Variants in CPNE7 observed in about 807,000 individuals in gnomAD.
CPNE7 encodes the protein copine-7.
Under a neutral mutation model 66.5 loss-of-function variants are expected in CPNE7, and 78 were observed. The observed-to-expected ratio is 1.17, with a 90% confidence interval of 0.98 to 1.42. CPNE7 has a LOEUF of 1.42. CPNE7 is among the 40% of genes most tolerant of loss of function. The probability of loss-of-function intolerance (pLI) is 0.00; values close to 1 mark genes in which losing one functional copy is unlikely to be tolerated. For missense variants in CPNE7, 1,012 were observed against 776.6 expected (o/e 1.30, Z -3.60); for synonymous variants, 468 against 336.7 (o/e 1.39, Z -4.27).
chr16:89,592,425 G>A (rs920495586), intron 13 of CPNE7, among the ~76,000 whole-genome samples: 8 of 150,426 alleles, frequency 5.3e-5, no homozygotes, highest in African/African-American at 1.5e-4. Flanking sequence ...TGTAGTTGTT[G>A]TATTTGTATG....
At position 89,584,108 on chromosome 16, in the gene CPNE7, T is replaced by C. The variant is rs760577430; in HGVS notation, c.507+6T>C. On this transcript the variant is annotated splice_donor_region_variant and intron_variant, in intron 4 of 14. Transcript: ENST00000319518. This position sits in a 1 kb window ranked among gnomAD's most constrained non-coding sequence, Gnocchi z 6.0. ...CCAGGAAGCTGGACGACAAGGTGAG[T>C]GCAGGTGCCGGGCACGCCTGGCTCA... is the stretch of plus-strand genomic sequence containing the variant. 1.9e-6 allele frequency: 3 copies of C among 1,608,602 alleles called. No homozygotes were observed. The highest frequency in any genetic ancestry group is 8.5e-7 in the Non-Finnish European group (1 of 1,178,062).
rs1360992482 is a variant in CPNE7, at chr16:89,591,149, C to G, written c.1191C>G (p.Ala397=). The change falls in exon 13 of 15, where the codon GCC becomes GCG. Residue 397 remains alanine, a synonymous_variant. Transcript: ENST00000319518. ...CAGGCATCCAGGGCGTGGTGGAGGC[C>G]TACCAGAACTGCCTGCCCAGGGTCC... ...ECEGIQGVVE[A]YQNCLPRVQL... 6.8e-6 allele frequency: 11 copies of G among 1,610,240 alleles called. No homozygotes were observed. In the Admixed American group the frequency reaches 1.0e-4, roughly 15 times the overall value.
chr16:89,587,139 T>C lies in CPNE7; in HGVS notation c.927+37T>C, dbSNP rs1168640435. ...GCCCCGCCCCATGCCGCCCCCTCAG[T>C]CCGTGGCCCCGCCCCGCCCCGCCCC... is the stretch of plus-strand genomic sequence containing the variant. On this transcript the variant is annotated intron_variant, in intron 9 of 14. Coordinates refer to ENST00000319518, the MANE Select transcript of CPNE7 (RefSeq NM_153636.3). The C allele has an allele frequency of 1.3e-5, 8 of 592,844 alleles. No individual in the cohort carries two copies. In the Admixed American group the frequency reaches 3.1e-4, roughly 23 times the overall value. 36.7% of individuals were successfully genotyped at this position (592,844 alleles called of 1,614,324 possible).
At chr16:89,589,038 T>C (rs2059130575) in intron 10 of CPNE7, among the ~76,000 whole-genome samples, 1 of 152,176 alleles carries the variant, frequency 6.6e-6, no homozygotes, top group Non-Finnish European at 1.5e-5. Flanking sequence ...ATGCCTGTAA[T>C]CCCAGCATTT....
In CPNE7 at chr16:89,595,744, C is replaced by A. The variant is rs1047078817; in HGVS notation, c.1539+141C>A. The A allele has an allele frequency of 2.0e-5, 16 of 804,988 alleles. No individual in the cohort carries two copies. The African/African-American group carries it at 2.5e-4, about 13-fold the overall frequency. 49.9% of individuals were successfully genotyped at this position (804,988 alleles called of 1,614,324 possible). ...GTCTGGGGGATCCTGGGCTGTTCCC[C>A]CCAGTCAAGAGCAGTATCTGAAGCC... On this transcript the variant is annotated intron_variant, in intron 14 of 14. Coordinates refer to ENST00000319518, the MANE Select transcript of CPNE7 (RefSeq NM_153636.3).
At chr16:89,588,594 T>TG in intron 9 of CPNE7, 81 bp from the exon 10 acceptor site, 2 of 1,575,104 alleles carry the variant, frequency 1.3e-6, no homozygotes, top group South Asian at 2.3e-5. Context: ...CTGGCCACTC[T>TG]GGGCGTGGTT....
In CPNE7 at chr16:89,595,555, C is replaced by G; in HGVS notation, c.1491C>G (p.Pro497=). 2 of 1,612,034 alleles carry G rather than the reference C, an allele frequency of 1.2e-6. No homozygotes were observed. Among genetic ancestry groups the G allele is most frequent in the Non-Finnish European group, 1.7e-6 (2 of 1,179,422 alleles). Residue 497 remains proline, a synonymous_variant, in exon 14 of 15, where the codon CCC becomes CCG. Coordinates refer to ENST00000319518, the MANE Select transcript of CPNE7 (RefSeq NM_153636.3). ...DGVLRSPRGE[P]ALRDIVQFVP... Reference sequence around the variant, plus strand: ...TCCTGCGCTCCCCACGGGGTGAGCCCGCGCTCCGGGACATCGTACAGTTCG... The same window carrying G: ...TCCTGCGCTCCCCACGGGGTGAGCCGGCGCTCCGGGACATCGTACAGTTCG...
chr16:89,591,537 G>C (rs866032219), intron 13 of CPNE7, among the ~76,000 whole-genome samples: 2 of 152,186 alleles, frequency 1.3e-5, no homozygotes, highest in Admixed American at 6.5e-5. Flanking sequence ...ACAAGGCCGC[G>C]CACATGTCTA....
At chr16:89,596,264 C>T (rs1345049284) in intron 14 of CPNE7, among the ~76,000 whole-genome samples, 1 of 152,252 alleles carries the variant, frequency 6.6e-6, no homozygotes, top group Non-Finnish European at 1.5e-5. Flanking sequence ...CGTGTCAGCA[C>T]TTTTCATCTC....
At position 89,577,694 on chromosome 16, in the gene CPNE7, G is replaced by T. The variant is rs1279518371; in HGVS notation, c.330G>T (p.Leu110=). Residue 110 remains leucine, a synonymous_variant, in exon 2 of 15, where the codon CTG becomes CTT. Coordinates refer to ENST00000319518, the MANE Select transcript of CPNE7 (RefSeq NM_153636.3). ...TCAGCTGTCAGGAGGACGATTTCCT[G>T]GGGGGCATGGAGTGCACCCTGGGGC... The part of the protein sequence containing the change: ...SGFSCQEDDF[L]GGMECTLGQI... 1 of 1,599,700 alleles carries T rather than the reference G, an allele frequency of 6.3e-7. No individual in the cohort carries two copies. The highest frequency in any genetic ancestry group is 1.7e-5 in the Admixed American group (1 of 57,940).
At position 89,596,718 on chromosome 16, in the gene CPNE7, C is replaced by T; in HGVS notation, c.*97C>T. 1 of 1,324,656 alleles carries T rather than the reference C, an allele frequency of 7.5e-7. No homozygotes were observed. 82.1% of individuals were successfully genotyped at this position (1,324,656 alleles called of 1,614,324 possible). On this transcript the variant is annotated 3_prime_UTR_variant, in exon 15 of 15. Transcript: ENST00000319518. Reference sequence around the variant, plus strand: ...GTCCCTTAAGCTCCCTCCGACCTCCCAGAAGCCTCCAGTCCCCACCAGGCC... The same window carrying T: ...GTCCCTTAAGCTCCCTCCGACCTCCTAGAAGCCTCCAGTCCCCACCAGGCC...
At chr16:89,586,821 T>C in intron 8 of CPNE7, 65 bp downstream of exon 8, 3 of 1,409,654 alleles carry the variant, frequency 2.1e-6, no homozygotes, top group South Asian at 1.2e-5. Flanking sequence ...CTCCCTCTGA[T>C]TGTTGGATGG....
In CPNE7 at chr16:89,589,899, A is replaced by G; in HGVS notation, c.1064A>G (p.Asp355Gly). ...VGEICQDYDS[D>G]KRFSALGFGA... is the part of the protein sequence containing the mutation. Reference sequence around the variant, plus strand: ...GTGACCTCCTGCCTCTCTTCCAGTGACAAGAGGTTTTCCGCTTTGGGGTTT... The same window carrying G: ...GTGACCTCCTGCCTCTCTTCCAGTGGCAAGAGGTTTTCCGCTTTGGGGTTT... The change falls in exon 11 of 15, where the codon GAC becomes GGC. Residue 355 changes from aspartate to glycine, a missense_variant and splice_region_variant. Physicochemically the swap from Asp to Gly is moderately conservative, Grantham distance 94. Coordinates refer to ENST00000319518, the MANE Select transcript of CPNE7 (RefSeq NM_153636.3). The G allele has an allele frequency of 6.2e-7, 1 of 1,613,760 alleles. No homozygotes were observed. The highest frequency in any genetic ancestry group is 8.5e-7 in the Non-Finnish European group (1 of 1,179,970).
At chr16:89,591,971 T>G (rs2059178238) in intron 13 of CPNE7, among the ~76,000 whole-genome samples, 1 of 150,932 alleles carries the variant, frequency 6.6e-6, no homozygotes, top group African/African-American at 2.4e-5. Flanking sequence ...AGTGCTGGGA[T>G]TACAGGCGTG....
intron 1 of CPNE7, 22 bp downstream of exon 1, chr16:89,576,093 C>T: frequency 3.2e-6 from 4 of 1,245,098 alleles, no homozygotes; most frequent in Non-Finnish European, 4.0e-6. Flanking sequence ...GCGTGGGAGG[C>T]CGAGAGGCCA....
intron 1 of CPNE7, among the ~76,000 whole-genome samples, chr16:89,576,692 G>T (rs1249136171): frequency 6.6e-6 from 1 of 152,158 alleles, no homozygotes; most frequent in Non-Finnish European, 1.5e-5. Context: ...GCCGCAGCGG[G>T]CGGAGGAGCC....
intron 9 of CPNE7, among the ~76,000 whole-genome samples, chr16:89,587,373 C>T (rs1189132529): frequency 4.8e-5 from 5 of 104,180 alleles, no homozygotes; most frequent in African/African-American, 2.0e-4. Context: ...CGAGGGGTCC[C>T]AGCCTGGCGG....
intron 13 of CPNE7, among the ~76,000 whole-genome samples, chr16:89,592,841 T>C (rs1461982965): frequency 6.9e-6 from 1 of 145,458 alleles, no homozygotes; most frequent in East Asian, 2.0e-4. Context: ...AGATGGAGTT[T>C]TACTCTTGTC....
Position 89,596,662 on chromosome 16 carries a change from C to A in CPNE7, c.*41C>A. 1.3e-6 allele frequency: 2 copies of A among 1,542,030 alleles called. No individual in the cohort carries two copies. The highest frequency in any genetic ancestry group is 1.2e-5 in the South Asian group (1 of 82,612). On this transcript the variant is annotated 3_prime_UTR_variant, in exon 15 of 15. Coordinates refer to ENST00000319518, the MANE Select transcript of CPNE7 (RefSeq NM_153636.3). ...AGGGTGGGGGCAGTGAGGAATGGGT[C>A]CGTACAGCCTCTGTCTGCAACATGC...
Sources: allele counts gnomAD v4.1 joint callset (sites outside exome capture counted in the v4.1 genomes callset), GRCh38; gene constraint gnomAD v4.1.1; non-coding constraint Gnocchi (gnomAD v3.1); transcripts MANE v1.5; gene names NCBI Gene and HGNC (gene_info 2026-07-23, HGNC 2026-07-21).